Variants in SRGAP2 observed in about 807,000 individuals in gnomAD.
The protein encoded by SRGAP2 is SLIT-ROBO Rho GTPase-activating protein 2.
In SRGAP2, 15 loss-of-function variants were observed where a neutral mutation model predicts 57.2. The observed-to-expected ratio is 0.26, with a 90% CI of 0.18 to 0.40. The LOEUF is 0.40. SRGAP2 is among the 10% of genes least tolerant of loss of function. The pLI, the probability that SRGAP2 is intolerant of heterozygous loss-of-function variation, is 1.00. For missense variants in SRGAP2, 520 were observed against 669.6 expected, an observed-to-expected ratio of 0.78 and a Z score of 2.47; for synonymous variants, 249 against 248.0, an observed-to-expected ratio of 1.00 and a Z score of -0.04.
chr1:206,387,423 T>A (rs1290602869), intron 5 of SRGAP2, among the ~76,000 whole-genome samples: 356 of 135,518 alleles, frequency 2.6e-3, no homozygotes, highest in African/African-American at 0.01. Context: ...TGCACACCTT[T>A]GAGGAGTCAA....
Position 206,452,000 on chromosome 1 carries a change from G to C in SRGAP2, c.2180-1200G>C, listed in dbSNP as rs891615830. Among the ~76,000 whole-genome samples the C allele has an allele frequency of 3.3e-5, 5 of 152,146 alleles. No individual in the cohort carries two copies. The East Asian group carries it at 5.8e-4, about 18-fold the overall frequency. On this transcript the variant is annotated intron_variant, in intron 19 of 22. Coordinates refer to ENST00000573034, the MANE Select transcript of SRGAP2 (RefSeq NM_015326.5). ...CCAGAATAGCCGACTTTCATCTCAG[G>C]TTCCAGCTTTCTGGGAGCCTTCTCT...
intron 2 of SRGAP2, among the ~76,000 whole-genome samples, chr1:206,236,467 T>A (rs1198709437): frequency 6.6e-6 from 1 of 152,096 alleles, no homozygotes; most frequent in Non-Finnish European, 1.5e-5. Flanking sequence ...GATGCTTGGA[T>A]CAACCAATGA....
intron 2 of SRGAP2, among the ~76,000 whole-genome samples, chr1:206,273,883 G>C (rs1200272362): frequency 6.6e-6 from 1 of 150,612 alleles, no homozygotes; most frequent in Non-Finnish European, 1.5e-5. Flanking sequence ...GAGTGTAGAC[G>C]TTGTGGGACC....
intron 2 of SRGAP2, among the ~76,000 whole-genome samples, chr1:206,260,330 G>A (rs1476194894): frequency 2.7e-5 from 4 of 147,306 alleles, no homozygotes; most frequent in Admixed American, 6.8e-5. Context: ...TGGACGAAAT[G>A]GAGCCTTGAA....
In SRGAP2 at chr1:206,240,898, G is replaced by T. The variant is rs1401750000; in HGVS notation, c.67+34861G>T. Among the ~76,000 whole-genome samples, 4 of 152,260 alleles carry T rather than the reference G, an allele frequency of 2.6e-5. No individual in the cohort carries two copies. The East Asian group carries it at 7.8e-4, about 30-fold the overall frequency. On this transcript the variant is annotated intron_variant, in intron 2 of 22. Transcript: ENST00000573034. ...ATTCCTTGGAAGTAAATTGAAATGG[G>T]TTTGGGTTGGCGCTGTGGCTCACAC...
At chr1:206,254,179 G>GTTTTTTTTTTTTT (rs373417477) in intron 2 of SRGAP2, among the ~76,000 whole-genome samples, 1 of 47,136 alleles carries the variant, frequency 2.1e-5, no homozygotes, top group Non-Finnish European at 3.7e-5. Context: ...TGCTTTTTCT[G>GTTTTTTTTTTTTT]TTTTTTTTTT....
At chr1:206,261,000 G>C (rs1231483985) in intron 2 of SRGAP2, among the ~76,000 whole-genome samples, 11 of 151,912 alleles carry the variant, frequency 7.2e-5, no homozygotes, top group Non-Finnish European at 1.6e-4. Flanking sequence ...GAGGCATACT[G>C]TTCTATCTCA....
chr1:206,373,013 C>CT (rs1413603108), intron 4 of SRGAP2, among the ~76,000 whole-genome samples: 1 of 96,684 alleles, frequency 1.0e-5, no homozygotes, highest in Non-Finnish European at 2.1e-5. Flanking sequence ...TTCTTTCTTT[C>CT]TTTCTTTCTT....
chr1:206,352,810 T>TTTTG lies in SRGAP2; in HGVS notation c.423+9822_423+9825dup, dbSNP rs755510764. Among the ~76,000 whole-genome samples the TTTTG allele has an allele frequency of 1.4e-4, 21 of 151,532 alleles. No individual in the cohort carries two copies. In the South Asian group the frequency reaches 2.5e-3, roughly 18 times the overall value. Reference sequence around the variant, plus strand: ...CTTACTTGTATGTAATATATCATCTTTTTGTTTGTTTGTTTGTTTGTTTTA... The same window carrying TTTTG: ...CTTACTTGTATGTAATATATCATCTTTTTGTTTGTTTGTTTGTTTGTTTGTTTTA... On this transcript the variant is annotated intron_variant, in intron 4 of 22. Coordinates refer to ENST00000573034, the MANE Select transcript of SRGAP2 (RefSeq NM_015326.5).
At chr1:206,441,358 C>T (rs1317441639) in intron 17 of SRGAP2, among the ~76,000 whole-genome samples, 1 of 152,112 alleles carries the variant, frequency 6.6e-6, no homozygotes, top group Non-Finnish European at 1.5e-5. Context: ...GTGTCTACAA[C>T]AAAGGTCTGA....
intron 3 of SRGAP2, among the ~76,000 whole-genome samples, chr1:206,314,059 A>G (rs367895865): frequency 4.0e-5 from 6 of 151,366 alleles, no homozygotes; most frequent in African/African-American, 1.2e-4. Context: ...TTGATAAATT[A>G]ATGGTATCTT....
intron 2 of SRGAP2, among the ~76,000 whole-genome samples, chr1:206,268,611 CA>C (rs1340807643): frequency 2.0e-5 from 3 of 150,502 alleles, no homozygotes; most frequent in Non-Finnish European, 3.0e-5. Context: ...CAGACTGTCA[CA>C]AAGTTAATAA....
chr1:206,234,635 C>T (rs1160831065), intron 2 of SRGAP2, among the ~76,000 whole-genome samples: 3 of 152,166 alleles, frequency 2.0e-5, no homozygotes, highest in Admixed American at 6.5e-5. Context: ...ATGGCTGACT[C>T]CAGTATTCTT....
chr1:206,427,785 A>G (rs1660934783), intron 13 of SRGAP2, among the ~76,000 whole-genome samples: 1 of 152,154 alleles, frequency 6.6e-6, no homozygotes, highest in Non-Finnish European at 1.5e-5. Flanking sequence ...ACACAGCTGA[A>G]TTATTGTACA....
At chr1:206,341,303 G>C (rs1173376211) in intron 3 of SRGAP2, among the ~76,000 whole-genome samples, 1 of 152,208 alleles carries the variant, frequency 6.6e-6, no homozygotes, top group Non-Finnish European at 1.5e-5. Context: ...CTGGAGCAGG[G>C]AAGAGAGGAA....
intron 5 of SRGAP2, among the ~76,000 whole-genome samples, chr1:206,386,307 A>G (rs1553348466): frequency 6.6e-6 from 1 of 151,580 alleles, no homozygotes; most frequent in East Asian, 1.9e-4. Context: ...TCCTGAATTA[A>G]GCAGCCTAGA....
chr1:206,239,973 G>A (rs1668109741), intron 2 of SRGAP2, among the ~76,000 whole-genome samples: 1 of 151,446 alleles, frequency 6.6e-6, no homozygotes, highest in Non-Finnish European at 1.5e-5. Context: ...TCCTTAAAAA[G>A]AAAGACATTG....
chr1:206,397,395 G>A (rs1657699363), intron 7 of SRGAP2, among the ~76,000 whole-genome samples: 1 of 151,956 alleles, frequency 6.6e-6, no homozygotes. Context: ...TTAAGACATG[G>A]GATGAATCCT....
At chr1:206,270,130 CT>C (rs1670107313) in intron 2 of SRGAP2, among the ~76,000 whole-genome samples, 1 of 78,614 alleles carries the variant, frequency 1.3e-5, no homozygotes, top group Non-Finnish European at 2.4e-5. Context: ...GGCTAATTTC[CT>C]TTATAAAGTG....
Sources: gnomAD v4.1 joint callset for allele counts (sites outside exome capture counted in the v4.1 genomes callset) on GRCh38, gnomAD v4.1.1 for gene constraint, MANE v1.5 for transcripts, NCBI Gene and HGNC (gene_info 2026-07-23, HGNC 2026-07-21) for gene names.